Variants in ZFHX3 observed in about 807,000 individuals in gnomAD.
ZFHX3 encodes the protein zinc finger homeobox 3.
A neutral mutation model predicts 279.1 loss-of-function variants in ZFHX3; 42 were observed. The ratio of observed to expected loss-of-function variants is 0.15; its 90% CI spans 0.12 to 0.19. ZFHX3 has a LOEUF of 0.19. Ranked by LOEUF, ZFHX3 falls within the 10% of genes least tolerant of loss-of-function variation. ZFHX3 has a pLI of 1.00. For synonymous variants in ZFHX3, 2,293 were observed against 1,957.8 expected (o/e 1.17, Z -4.52); for missense variants, 4,981 against 4,754.0 (o/e 1.05, Z -1.40).
intron 1 of ZFHX3, among the ~76,000 whole-genome samples, chr16:73,830,125 C>T (rs1224311520): frequency 3.8e-5 from 5 of 131,008 alleles, no homozygotes; most frequent in Non-Finnish European, 8.1e-5. Flanking sequence ...TTTTTTAAGC[C>T]GGTCTGAAAA....
At chr16:72,912,016 C>T (rs974791837) in intron 3 of ZFHX3, among the ~76,000 whole-genome samples, 2 of 152,184 alleles carry the variant, frequency 1.3e-5, no homozygotes, top group Non-Finnish European at 2.9e-5. Context: ...GCATTCCATT[C>T]TAAGTAAAAT....
chr16:73,637,274 C>T (rs2052535829), intron 2 of ZFHX3, among the ~76,000 whole-genome samples: 1 of 149,326 alleles, frequency 6.7e-6, no homozygotes, highest in Admixed American at 6.7e-5. Context: ...GTCTGTCGCC[C>T]AGGCTGCAGT....
At position 73,820,214 on chromosome 16, in the gene ZFHX3, C is replaced by T. The variant is rs534559682; in HGVS notation, c.-1608+71437G>A. ...ATGCCATTCTCCTGCCTCAGCCTCC[C>T]GAGTAGCTGGGACTACAGGCGCCCA... On this transcript the variant is annotated intron_variant, in intron 1 of 17. Coordinates refer to the ZFHX3 transcript ENST00000641206. Among the ~76,000 whole-genome samples, 11 of 152,194 alleles carry T rather than the reference C, an allele frequency of 7.2e-5. No homozygotes were observed. The South Asian group carries it at 8.3e-4, about 11-fold the overall frequency.
chr16:72,953,447 C>A (rs929368364), intron 2 of ZFHX3, among the ~76,000 whole-genome samples: 5 of 152,220 alleles, frequency 3.3e-5, no homozygotes, highest in Admixed American at 3.3e-4. Flanking sequence ...TGCCAACCAC[C>A]TGAAGCATCA....
intron 1 of ZFHX3, among the ~76,000 whole-genome samples, chr16:73,821,946 A>G (rs969221606): frequency 1.3e-5 from 2 of 152,168 alleles, no homozygotes; most frequent in African/African-American, 4.8e-5. Flanking sequence ...TCCATGTCTG[A>G]TCATTTCTGA....
At chr16:73,890,258 C>CAACA (rs2030489545) in intron 1 of ZFHX3, among the ~76,000 whole-genome samples, 1 of 136,820 alleles carries the variant, frequency 7.3e-6, no homozygotes, top group African/African-American at 2.7e-5. Context: ...AAAAAAACAA[C>CAACA]AAAAAAAAAC....
intron 1 of ZFHX3, among the ~76,000 whole-genome samples, chr16:73,032,806 T>A (rs1964757675): frequency 6.6e-6 from 1 of 152,022 alleles, no homozygotes; most frequent in Admixed American, 6.6e-5. Flanking sequence ...TGGAGGACAG[T>A]CATTGGAACC....
intron 1 of ZFHX3, among the ~76,000 whole-genome samples, chr16:73,053,664 C>T (rs775557598): frequency 2.6e-5 from 4 of 152,088 alleles, no homozygotes; most frequent in African/African-American, 4.8e-5. Flanking sequence ...AAGCATCTTC[C>T]CCAGCGGGCA....
At chr16:73,063,299 C>T (rs187791725), upstream of ZFHX3, among the ~76,000 whole-genome samples, 173 of 152,352 alleles carry the variant, frequency 1.1e-3, 1 homozygote, top group African/African-American at 4.1e-3. Flanking sequence ...TCACCTTTCT[C>T]CTGCCTCTGG....
chr16:73,622,748 C>A (rs896514798), intron 2 of ZFHX3, among the ~76,000 whole-genome samples: 1 of 152,180 alleles, frequency 6.6e-6, no homozygotes, highest in African/African-American at 2.4e-5. Context: ...CTTCATGACT[C>A]CCAGCAGCTC....
At chr16:73,220,771 T>C (rs1433424369) in intron 5 of ZFHX3, among the ~76,000 whole-genome samples, 1 of 152,052 alleles carries the variant, frequency 6.6e-6, no homozygotes, top group African/African-American at 2.4e-5. Context: ...TGTGTGTGTG[T>C]GTGTGTTTGT....
At chr16:73,270,041 T>C (rs1007695660) in intron 4 of ZFHX3, among the ~76,000 whole-genome samples, 4 of 152,124 alleles carry the variant, frequency 2.6e-5, no homozygotes, top group Non-Finnish European at 4.4e-5. Context: ...AGCCACCATG[T>C]CCGGCCTGCC....
intron 4 of ZFHX3, among the ~76,000 whole-genome samples, chr16:73,298,824 T>G (rs2143124519): frequency 6.6e-6 from 1 of 152,336 alleles, no homozygotes; most frequent in South Asian, 2.1e-4. Flanking sequence ...AAAATTTGTT[T>G]CGTTACTGAT....
intron 2 of ZFHX3, among the ~76,000 whole-genome samples, chr16:73,605,722 C>G (rs893482189): frequency 6.6e-6 from 1 of 151,794 alleles, no homozygotes; most frequent in Non-Finnish European, 1.5e-5. Context: ...AGAATGATGT[C>G]GTGAACAGCA....
chr16:73,551,675 G>A (rs892763020), intron 2 of ZFHX3, among the ~76,000 whole-genome samples: 1 of 152,148 alleles, frequency 6.6e-6, no homozygotes, highest in Non-Finnish European at 1.5e-5. Context: ...AAGCCATAAA[G>A]ATTACATCTC....
At chr16:73,629,699 G>A (rs1472212739) in intron 2 of ZFHX3, among the ~76,000 whole-genome samples, 1 of 152,086 alleles carries the variant, frequency 6.6e-6, no homozygotes, top group African/African-American at 2.4e-5. Flanking sequence ...CCTATAGCAT[G>A]TCCATCACCT....
intron 4 of ZFHX3, among the ~76,000 whole-genome samples, chr16:73,299,380 C>G (rs555537312): frequency 6.6e-6 from 1 of 152,310 alleles, no homozygotes; most frequent in Admixed American, 6.5e-5. Flanking sequence ...CTAGGCAGTT[C>G]TACCTCCAAC....
At chr16:73,787,852 T>A (rs1008580989) in intron 1 of ZFHX3, among the ~76,000 whole-genome samples, 1,976 of 132,056 alleles carry the variant, frequency 0.015, 29 homozygotes, top group African/African-American at 0.052. Context: ...TGTGTGTGTG[T>A]GAAAGAGAGA....
intron 2 of ZFHX3, among the ~76,000 whole-genome samples, chr16:73,676,714 A>G (rs368637921): frequency 1.3e-5 from 2 of 151,980 alleles, no homozygotes; most frequent in Non-Finnish European, 2.9e-5. Context: ...ATTATGTATC[A>G]ATTAGAAGAA....
Sources: allele counts gnomAD v4.1 joint callset (sites outside exome capture counted in the v4.1 genomes callset), GRCh38; gene constraint gnomAD v4.1.1; transcripts MANE v1.5; gene names NCBI Gene and HGNC (gene_info 2026-07-23, HGNC 2026-07-21).